Variants in SOX6 observed in about 807,000 individuals in gnomAD.
SOX6 encodes SRY-box transcription factor 6.
In SOX6, 11 loss-of-function variants were observed where a neutral mutation model predicts 97.8. That is an observed-to-expected ratio of 0.11 (90% CI 0.07 to 0.19). SOX6 has a LOEUF of 0.19. Among genes scored for constraint, SOX6 ranks in the 10% least tolerant of loss-of-function variants. SOX6 has a pLI of 1.00. For synonymous variants in SOX6, 360 were observed against 371.4 expected (o/e 0.97, Z 0.35); for missense variants, 810 against 1,039.5 (o/e 0.78, Z 3.04).
chr11:16,228,687 T>A (rs1852757193), intron 4 of SOX6, among the ~76,000 whole-genome samples: 1 of 152,120 alleles, frequency 6.6e-6, no homozygotes, highest in Non-Finnish European at 1.5e-5. Flanking sequence ...CAGAACAAGG[T>A]AACTATGTGA....
chr11:16,617,558 C>A (rs1200204904), intron 3 of SOX6, among the ~76,000 whole-genome samples: 1 of 151,912 alleles, frequency 6.6e-6, no homozygotes, highest in Non-Finnish European at 1.5e-5. Context: ...GAAACTGCAA[C>A]AATATGTCAT....
intron 9 of SOX6, among the ~76,000 whole-genome samples, chr11:16,058,898 G>T (rs1847880754): frequency 6.6e-6 from 1 of 152,182 alleles, no homozygotes; most frequent in African/African-American, 2.4e-5. Flanking sequence ...TTACCAGGTT[G>T]CATGACATTA....
intron 4 of SOX6, among the ~76,000 whole-genome samples, chr11:16,555,264 TA>T (rs889171965): frequency 5.3e-5 from 8 of 151,940 alleles, no homozygotes; most frequent in African/African-American, 1.9e-4. Context: ...GAAAACTTAC[TA>T]AATCATTCAG....
At chr11:16,133,016 T>C (rs1325413617) in intron 6 of SOX6, among the ~76,000 whole-genome samples, 1 of 152,122 alleles carries the variant, frequency 6.6e-6, no homozygotes, top group South Asian at 2.1e-4. Flanking sequence ...AATAAGAGAA[T>C]TGATGTTAAA....
At position 16,506,933 on chromosome 11, in the gene SOX6, G is replaced by A. The variant is rs181019399; in HGVS notation, n.610-30545C>T. On this transcript the variant is annotated intron_variant and non_coding_transcript_variant, in intron 4 of 5. Transcript: ENST00000524520. Reference sequence around the variant, plus strand: ...ACAAAAAGTAGCCAGGCATGGTGGCGAATACCTGTAATCCCAGCTACTCAG... The same window carrying A: ...ACAAAAAGTAGCCAGGCATGGTGGCAAATACCTGTAATCCCAGCTACTCAG... 8.2e-3 allele frequency among the ~76,000 whole-genome samples: 1,252 copies of A among 152,040 alleles called. 17 individuals carry two copies. The highest frequency in any genetic ancestry group is 0.029 in the African/African-American group (1,187 of 41,450).
intron 3 of SOX6, among the ~76,000 whole-genome samples, chr11:16,685,411 G>C (rs527925406): frequency 6.1e-4 from 93 of 152,200 alleles, no homozygotes; most frequent in Non-Finnish European, 1.2e-3. Flanking sequence ...TATTGGCATA[G>C]AGTAAACATT....
intron 4 of SOX6, among the ~76,000 whole-genome samples, chr11:16,595,854 G>A (rs1323397744): frequency 2.0e-5 from 3 of 152,076 alleles, no homozygotes; most frequent in African/African-American, 7.2e-5. Context: ...GTTATCAGTA[G>A]AGAGGGTTTA....
At chr11:16,132,320 AAGGAAGG>A (rs1849776245) in intron 6 of SOX6, among the ~76,000 whole-genome samples, 1 of 125,816 alleles carries the variant, frequency 7.9e-6, no homozygotes, top group African/African-American at 3.0e-5. Flanking sequence ...GGAAGGAAGG[AAGGAAGG>A]AAGGAAAGAA....
At chr11:16,176,825 A>G (rs1362138589) in intron 6 of SOX6, among the ~76,000 whole-genome samples, 1 of 151,984 alleles carries the variant, frequency 6.6e-6, no homozygotes, top group Non-Finnish European at 1.5e-5. Flanking sequence ...AGGATCTGAA[A>G]TACTGGAAAC....
chr11:16,556,803 C>T (rs1311115581), intron 4 of SOX6, among the ~76,000 whole-genome samples: 1 of 151,708 alleles, frequency 6.6e-6, no homozygotes, highest in Non-Finnish European at 1.5e-5. Context: ...TCATAAAATA[C>T]GGAAGGCACA....
chr11:16,039,117 C>A (rs1375891381), intron 12 of SOX6, among the ~76,000 whole-genome samples: 1 of 152,096 alleles, frequency 6.6e-6, no homozygotes, highest in Non-Finnish European at 1.5e-5. Flanking sequence ...TTGTGCACTT[C>A]ACTTATCTCA....
intron 1 of SOX6, among the ~76,000 whole-genome samples, chr11:16,451,876 T>A (rs898861562): frequency 6.6e-5 from 10 of 151,570 alleles, no homozygotes; most frequent in South Asian, 2.1e-4. Flanking sequence ...CAAAAAAAAA[T>A]TTTTTTAATT....
chr11:16,035,889 GA>G (rs1302726635), intron 12 of SOX6, among the ~76,000 whole-genome samples: 1 of 152,060 alleles, frequency 6.6e-6, no homozygotes, highest in Non-Finnish European at 1.5e-5. Flanking sequence ...AGCATCTTAG[GA>G]CCGTGAACAT....
chr11:16,075,653 T>G (rs1848335994), intron 9 of SOX6, among the ~76,000 whole-genome samples: 1 of 151,868 alleles, frequency 6.6e-6, no homozygotes, highest in Admixed American at 6.6e-5. Context: ...CCAAGTCCTG[T>G]TGGGGAGTGG....
chr11:16,733,248 A>C (rs1848364437), intron 2 of SOX6, among the ~76,000 whole-genome samples: 1 of 152,226 alleles, frequency 6.6e-6, no homozygotes, highest in Non-Finnish European at 1.5e-5. Context: ...AAGGATTATA[A>C]ATCATTGTAC....
In SOX6 at chr11:16,370,109, G is replaced by C. The variant is rs1857462726; in HGVS notation, c.-4-28857C>G. ...CAGTGGTCTGAACAGAAGTCATGGAGCACATCCTCCCCATCACAAGTCCAA... is the reference window on the plus strand; with the variant it reads ...CAGTGGTCTGAACAGAAGTCATGGACCACATCCTCCCCATCACAAGTCCAA... On this transcript the variant is annotated intron_variant, in intron 1 of 15. Transcript: ENST00000396356. Among the ~76,000 whole-genome samples the C allele has an allele frequency of 1.3e-5, 2 of 152,068 alleles. 1 individual carries two copies. Among genetic ancestry groups the C allele is most frequent in the South Asian group, 4.2e-4 (2 of 4,810 alleles).
At chr11:16,351,425 C>A (rs1467950566) in intron 1 of SOX6, among the ~76,000 whole-genome samples, 1 of 152,104 alleles carries the variant, frequency 6.6e-6, no homozygotes, top group East Asian at 1.9e-4. Flanking sequence ...ACTCTTACAA[C>A]AGACCCTAAA....
chr11:16,729,859 A>G (rs1848335551), intron 2 of SOX6, among the ~76,000 whole-genome samples: 2 of 152,090 alleles, frequency 1.3e-5, no homozygotes. Context: ...GGCTCAAAAT[A>G]AAGGGATAGA....
At chr11:16,203,973 A>G (rs1255305227) in intron 4 of SOX6, among the ~76,000 whole-genome samples, 1 of 152,092 alleles carries the variant, frequency 6.6e-6, no homozygotes, top group East Asian at 1.9e-4. Context: ...ATATCAAAAA[A>G]TGGACTTAGC....
Sources: gnomAD v4.1 joint callset for allele counts (sites outside exome capture counted in the v4.1 genomes callset) on GRCh38, gnomAD v4.1.1 for gene constraint, MANE v1.5 for transcripts, NCBI Gene and HGNC (gene_info 2026-07-23, HGNC 2026-07-21) for gene names.